The following RSPH14 variants were observed in gnomAD, a reference collection of about 807,000 sequenced individuals.
RSPH14 encodes radial spoke head 14 homolog.
RSPH14 carries 20 observed loss-of-function variants against 26.7 expected under a neutral mutation model. That is an observed-to-expected ratio of 0.75 (90% CI 0.53 to 1.09). RSPH14 has a LOEUF of 1.09. Ranked by LOEUF, RSPH14 falls within the 50% of genes least tolerant of loss-of-function variation. The pLI, the probability that RSPH14 is intolerant of heterozygous loss-of-function variation, is 0.00. For synonymous variants in RSPH14, 177 were observed against 189.3 expected, an observed-to-expected ratio of 0.93 and a Z score of 0.53; for missense variants, 449 against 457.2, an observed-to-expected ratio of 0.98 and a Z score of 0.16.
intron 4 of RSPH14, chr22:23,070,351 A>ACTGGCGGCGGGCGG (rs1555924078): frequency 2.3e-5 from 2 of 88,370 alleles, no homozygotes; most frequent in African/African-American, 6.6e-5. Flanking sequence ...GGACCCGCGG[A>ACTGGCGGCGGGCGG]CTGGCGGCGG....
At chr22:23,159,813 C>T in the RSPH14 span, among the ~76,000 whole-genome samples, 1 of 152,244 alleles carries the variant, frequency 6.6e-6, no homozygotes, top group African/African-American at 2.4e-5. Context: ...CACTCCCCAC[C>T]GGGTCTACCC....
the RSPH14 span, among the ~76,000 whole-genome samples, chr22:23,175,505 A>G: frequency 6.6e-6 from 1 of 151,266 alleles, no homozygotes; most frequent in Non-Finnish European, 1.5e-5. Context: ...TATTTTTGGT[A>G]GAGACAGGGT....
intron 5 of RSPH14, 143 bp from the exon 6 acceptor site, chr22:23,062,088 G>T: frequency 9.8e-7 from 1 of 1,017,116 alleles, no homozygotes; most frequent in Non-Finnish European, 1.4e-6. Context: ...CATGATCCAG[G>T]ACTGGTCATG....
At chr22:23,095,588 G>A (rs1266152905) in intron 4 of RSPH14, 2 of 1,261,194 alleles carry the variant, frequency 1.6e-6, no homozygotes, top group African/African-American at 1.5e-5. Flanking sequence ...GGCACTGAGT[G>A]CCTCCAGGGC....
chr22:23,133,358 G>A (rs1252362161), intron 4 of RSPH14, among the ~76,000 whole-genome samples: 1 of 152,172 alleles, frequency 6.6e-6, no homozygotes, highest in Admixed American at 6.5e-5. Flanking sequence ...GATATTACAA[G>A]CTGGATGTTT....
chr22:23,174,729 G>T, the RSPH14 span, among the ~76,000 whole-genome samples: 1 of 151,944 alleles, frequency 6.6e-6, no homozygotes, highest in Non-Finnish European at 1.5e-5. Context: ...AGTACTTTGG[G>T]AGGCTGAGGC....
At chr22:23,147,841 G>A (rs1013734825), upstream of RSPH14, among the ~76,000 whole-genome samples, 3 of 152,204 alleles carry the variant, frequency 2.0e-5, no homozygotes, top group Non-Finnish European at 2.9e-5. Flanking sequence ...GACATGCAAC[G>A]AGAGCCAAAG....
chr22:23,140,513 T>G, intron 1 of RSPH14, 41 bp from the exon 2 acceptor site: 1 of 1,515,208 alleles, frequency 6.6e-7, no homozygotes, highest in Non-Finnish European at 8.9e-7. Flanking sequence ...CTATTATGAT[T>G]TAAAAGCTAC....
intron 3 of RSPH14, among the ~76,000 whole-genome samples, chr22:23,136,573 T>C (rs2070489130): frequency 7.2e-6 from 1 of 139,080 alleles, no homozygotes; most frequent in Non-Finnish European, 1.6e-5. Context: ...CCAGGACCCC[T>C]GGCTTAGGCA....
At chr22:23,080,921 T>G (rs3788342) in intron 4 of RSPH14, among the ~76,000 whole-genome samples, 62,234 of 152,128 alleles carry the variant, frequency 0.41, 15,081 homozygotes, top group African/African-American at 0.69. Context: ...AGTACAGGGT[T>G]GGCCCTCCAG....
At chr22:23,168,456 G>A in the RSPH14 span, among the ~76,000 whole-genome samples, 1 of 152,128 alleles carries the variant, frequency 6.6e-6, no homozygotes. Context: ...AGGGAGAAGC[G>A]GCTCCTGGAG....
At chr22:23,065,449 G>C (rs138999055) in intron 4 of RSPH14, among the ~76,000 whole-genome samples, 1 of 132,650 alleles carries the variant, frequency 7.5e-6, no homozygotes, top group African/African-American at 2.9e-5. Context: ...TGCCCTGTTT[G>C]TTCTCAGGGC....
chr22:23,152,572 G>A, the RSPH14 span: 2 of 1,579,480 alleles, frequency 1.3e-6, no homozygotes, highest in Non-Finnish European at 1.7e-6. Flanking sequence ...CCAGCACCAG[G>A]TTGTCATACC....
At chr22:23,091,519 C>T (rs1169312430) in intron 4 of RSPH14, among the ~76,000 whole-genome samples, 2 of 151,632 alleles carry the variant, frequency 1.3e-5, no homozygotes, top group African/African-American at 4.9e-5. Flanking sequence ...CATGCACACA[C>T]ACCGCAATAG....
chr22:23,158,869 ATCTC>A, the RSPH14 span: 924 of 1,601,342 alleles, frequency 5.8e-4, 5 homozygotes, highest in African/African-American at 0.011. Context: ...GGATGGGTGA[ATCTC>A]TCAGCCTCTC....
chr22:23,143,937 T>C (rs955029558), upstream of RSPH14, among the ~76,000 whole-genome samples: 1 of 151,248 alleles, frequency 6.6e-6, no homozygotes, highest in African/African-American at 2.4e-5. Context: ...CTAAAAAAAT[T>C]TAAAAATTAG....
chr22:23,128,982 C>T (rs2070246427), intron 4 of RSPH14, among the ~76,000 whole-genome samples: 1 of 152,194 alleles, frequency 6.6e-6, no homozygotes, highest in East Asian at 1.9e-4. Context: ...TGGGAGCCAG[C>T]TAAGCCCTGC....
intron 4 of RSPH14, among the ~76,000 whole-genome samples, chr22:23,101,808 G>C (rs1387811129): frequency 5.3e-5 from 8 of 152,204 alleles, no homozygotes; most frequent in Non-Finnish European, 5.9e-5. Context: ...CCATGGCAGT[G>C]CAGCTTGAGA....
chr22:23,156,319 T>C, the RSPH14 span: 5 of 330,334 alleles, frequency 1.5e-5, no homozygotes, highest in South Asian at 1.3e-4. Flanking sequence ...AAAGTGCTTT[T>C]CCAGAGGCTC....
Sources: gnomAD v4.1 joint callset for allele counts (sites outside exome capture counted in the v4.1 genomes callset) on GRCh38, gnomAD v4.1.1 for gene constraint, MANE v1.5 for transcripts, NCBI Gene and HGNC (gene_info 2026-07-23, HGNC 2026-07-21) for gene names.